KIAA1958: variants seen among roughly 807,000 people sequenced by gnomAD.
KIAA1958 encodes the protein KIAA1958.
Under a neutral mutation model 47.2 loss-of-function variants are expected in KIAA1958, and 14 were observed. The observed-to-expected ratio is 0.30, with a 90% CI of 0.20 to 0.46. The LOEUF (loss-of-function observed/expected upper bound fraction) is 0.46, where lower values mean the gene tolerates loss of function less well. KIAA1958 is among the 20% of genes least tolerant of loss of function. The pLI is 1.00. For synonymous variants in KIAA1958, 354 were observed against 353.3 expected (o/e 1.00, Z -0.02); for missense variants, 803 against 909.2 (o/e 0.88, Z 1.50).
At chr9:112,583,995 G>GT (rs917845089) in intron 2 of KIAA1958, among the ~76,000 whole-genome samples, 71 of 152,138 alleles carry the variant, frequency 4.7e-4, no homozygotes, top group African/African-American at 1.7e-3. Flanking sequence ...GAGCCCGGGA[G>GT]TTTAAGGCTG....
chr9:112,620,014 T>C (rs925062085), intron 2 of KIAA1958, among the ~76,000 whole-genome samples: 5 of 152,202 alleles, frequency 3.3e-5, no homozygotes, highest in African/African-American at 1.2e-4. Context: ...AATATTTTGT[T>C]ACCAGATTTT....
At chr9:112,537,582 TCAGTAGGATAC>T in intron 1 of KIAA1958, among the ~76,000 whole-genome samples, 1 of 152,194 alleles carries the variant, frequency 6.6e-6, no homozygotes, top group African/African-American at 2.4e-5. Flanking sequence ...AATTAAAACC[TCAGTAGGATAC>T]TATTACTGTA....
chr9:112,668,935 G>C lies in KIAA1958; in HGVS notation c.*8866G>C, dbSNP rs995941381. The C allele has an allele frequency of 6.6e-6, 1 of 152,202 alleles. No individual in the cohort carries two copies. Among genetic ancestry groups the C allele is most frequent in the Non-Finnish European group, 1.5e-5 (1 of 68,040 alleles). The allele number at this position is 152,202 out of a possible 1,614,324, so 9.4% of individuals were successfully genotyped here. ...AAAATTTAATATTTTCTATGGGGCT[G>C]TATTTTCCAAATAATAGCAACAAAA... On this transcript the variant is annotated 3_prime_UTR_variant, in exon 4 of 4. Transcript: ENST00000337530.
intron 1 of KIAA1958, among the ~76,000 whole-genome samples, chr9:112,528,327 A>T (rs1317237471): frequency 6.6e-6 from 1 of 152,018 alleles, no homozygotes; most frequent in Non-Finnish European, 1.5e-5. Context: ...CACCTCAGTC[A>T]TTTGGGGCCT....
intron 1 of KIAA1958, among the ~76,000 whole-genome samples, chr9:112,487,892 A>G (rs996127361): frequency 6.6e-6 from 1 of 150,546 alleles, no homozygotes; most frequent in Admixed American, 6.6e-5. Flanking sequence ...TTGGGACTTT[A>G]AAAAAAATGA....
intron 2 of KIAA1958, among the ~76,000 whole-genome samples, chr9:112,633,604 C>T (rs1355087836): frequency 2.6e-5 from 4 of 152,018 alleles, no homozygotes; most frequent in Admixed American, 6.5e-5. Context: ...GAATATTACC[C>T]GAACCCTAGG....
At chr9:112,606,000 C>T (rs761637551) in intron 2 of KIAA1958, among the ~76,000 whole-genome samples, 1 of 152,208 alleles carries the variant, frequency 6.6e-6, no homozygotes, top group Non-Finnish European at 1.5e-5. Context: ...AAATGCAAGA[C>T]TGTTTCCCTT....
chr9:112,583,311 AG>A (rs1835764827), intron 2 of KIAA1958, among the ~76,000 whole-genome samples: 1 of 152,240 alleles, frequency 6.6e-6, no homozygotes, highest in Admixed American at 6.5e-5. Flanking sequence ...CCCATTAGAA[AG>A]GCAAAAAGTA....
At chr9:112,487,787 C>T (rs1453150136) in intron 1 of KIAA1958, among the ~76,000 whole-genome samples, 4 of 151,900 alleles carry the variant, frequency 2.6e-5, no homozygotes, top group Non-Finnish European at 5.9e-5. Flanking sequence ...AATGTATTCC[C>T]CTGGGTAGGA....
intron 1 of KIAA1958, among the ~76,000 whole-genome samples, chr9:112,530,919 C>T (rs1252406827): frequency 6.6e-6 from 1 of 152,158 alleles, no homozygotes; most frequent in Non-Finnish European, 1.5e-5. Context: ...TTGTCTCTAA[C>T]TAAATATTTC....
At chr9:112,657,649 T>C (rs1837172699) in intron 3 of KIAA1958, among the ~76,000 whole-genome samples, 1 of 152,148 alleles carries the variant, frequency 6.6e-6, no homozygotes, top group African/African-American at 2.4e-5. Context: ...CAGTGTCTAC[T>C]TGATAAAAAA....
At chr9:112,544,348 T>C (rs557147336) in intron 1 of KIAA1958, among the ~76,000 whole-genome samples, 6 of 152,336 alleles carry the variant, frequency 3.9e-5, no homozygotes, top group Non-Finnish European at 7.4e-5. Context: ...GCACTATAAC[T>C]CATGCCATGC....
chr9:112,521,655 T>A (rs62567853), intron 1 of KIAA1958, among the ~76,000 whole-genome samples: 16,787 of 152,206 alleles, frequency 0.11, 1,375 homozygotes, highest in East Asian at 0.19. Flanking sequence ...AGATTTTCTT[T>A]GTGGCATATT....
intron 1 of KIAA1958, among the ~76,000 whole-genome samples, chr9:112,511,930 T>G (rs904410553): frequency 6.6e-6 from 1 of 152,070 alleles, no homozygotes; most frequent in African/African-American, 2.4e-5. Context: ...TTATATAAAA[T>G]GGATAAATTT....
chr9:112,508,568 T>G (rs1178104198), intron 1 of KIAA1958, among the ~76,000 whole-genome samples: 2 of 152,236 alleles, frequency 1.3e-5, no homozygotes, highest in Non-Finnish European at 2.9e-5. Flanking sequence ...ACAAGAAACA[T>G]TCCACCATTT....
Position 112,659,578 on chromosome 9 carries a change from A to G in KIAA1958, c.1660A>G (p.Thr554Ala), listed in dbSNP as rs750255176. ...AGCLGDDSPITLLSTVVKYNS... is the reference protein window; with the variant it reads ...AGCLGDDSPIALLSTVVKYNS... ...GTGTCTGGGGGATGACAGCCCTATC[A>G]CTCTCCTGTCCACTGTGGTCAAGTA... Residue 554 changes from threonine (T) to alanine (A), a missense_variant, in exon 4 of 4, where the codon ACT becomes GCT. Coordinates refer to ENST00000337530, the MANE Select transcript of KIAA1958 (RefSeq NM_133465.4). The G allele has an allele frequency of 4.3e-6, 7 of 1,612,852 alleles. No individual in the cohort carries two copies. The East Asian group carries it at 1.3e-4, about 31-fold the overall frequency.
chr9:112,503,085 AATAAATAAGTAAAATAACATGTAAGGG>A (rs1834172159), intron 1 of KIAA1958, among the ~76,000 whole-genome samples: 4 of 152,272 alleles, frequency 2.6e-5, no homozygotes, highest in East Asian at 1.9e-4. Flanking sequence ...GAAGAAACAA[AATAAATAAGTAAAATAACATGTAAGGG>A]ATAAGTGCTA....
At chr9:112,535,963 T>G (rs949428047) in intron 1 of KIAA1958, among the ~76,000 whole-genome samples, 3 of 152,232 alleles carry the variant, frequency 2.0e-5, no homozygotes, top group Non-Finnish European at 4.4e-5. Context: ...GTGGATTGTG[T>G]CATATTGTCA....
intron 2 of KIAA1958, among the ~76,000 whole-genome samples, chr9:112,606,192 G>A (rs997227399): frequency 6.6e-6 from 1 of 152,158 alleles, no homozygotes; most frequent in African/African-American, 2.4e-5. Context: ...GGTAGGTGGT[G>A]GAAACACTGA....
Sources: gnomAD v4.1 joint callset for allele counts (sites outside exome capture counted in the v4.1 genomes callset) on GRCh38, gnomAD v4.1.1 for gene constraint, MANE v1.5 for transcripts, NCBI Gene and HGNC (gene_info 2026-07-23, HGNC 2026-07-21) for gene names.